PARD3: variants seen among roughly 807,000 people sequenced by gnomAD.
PARD3 encodes the protein par-3 family cell polarity regulator.
PARD3 carries 75 observed loss-of-function variants against 155.4 expected under a neutral mutation model. The observed-to-expected ratio is 0.48, with a 90% CI of 0.40 to 0.58. The LOEUF is 0.58. Among genes scored for constraint, PARD3 ranks in the 20% least tolerant of loss-of-function variants. The pLI is 0.00. For synonymous variants in PARD3, 576 were observed against 610.5 expected (o/e 0.94, Z 0.83); for missense variants, 1,642 against 1,721.7 (o/e 0.95, Z 0.82).
chr10:34,184,706 T>TTG (rs1177641380), intron 22 of PARD3, among the ~76,000 whole-genome samples: 2 of 151,122 alleles, frequency 1.3e-5, no homozygotes, highest in Admixed American at 6.6e-5. Flanking sequence ...CGGTTTTTTT[T>TTG]TTTTTTTTTC....
chr10:34,777,001 T>C, intron 1 of PARD3, among the ~76,000 whole-genome samples: 1 of 142,356 alleles, frequency 7.0e-6, no homozygotes. Flanking sequence ...CATGTCTGGC[T>C]AATTTTTTTT....
At chr10:34,130,715 G>C (rs1947560441) in intron 23 of PARD3, among the ~76,000 whole-genome samples, 1 of 152,128 alleles carries the variant, frequency 6.6e-6, no homozygotes, top group South Asian at 2.1e-4. Flanking sequence ...GGATGAACTG[G>C]AATAAGATGG....
intron 2 of PARD3, among the ~76,000 whole-genome samples, chr10:34,688,535 C>T (rs1021715749): frequency 6.6e-6 from 1 of 152,148 alleles, no homozygotes; most frequent in Non-Finnish European, 1.5e-5. Context: ...TAAGAGTAAA[C>T]ACGACATCAC....
At chr10:34,565,604 T>G (rs1026619308) in intron 2 of PARD3, among the ~76,000 whole-genome samples, 16 of 152,140 alleles carry the variant, frequency 1.1e-4, no homozygotes, top group African/African-American at 3.9e-4. Context: ...AACTTGCTCT[T>G]TAACAACTTT....
At chr10:34,166,654 T>C (rs527774255) in intron 22 of PARD3, among the ~76,000 whole-genome samples, 52 of 150,578 alleles carry the variant, frequency 3.5e-4, no homozygotes, top group Admixed American at 5.9e-4. Context: ...CAGAAAGGAC[T>C]CTACACCCAT....
At chr10:34,245,088 G>A (rs1188515454) in intron 22 of PARD3, among the ~76,000 whole-genome samples, 1 of 152,128 alleles carries the variant, frequency 6.6e-6, no homozygotes, top group Admixed American at 6.5e-5. Flanking sequence ...AAAGTGGAGC[G>A]GATACAGATA....
chr10:34,204,827 T>C (rs1195075046), intron 22 of PARD3, among the ~76,000 whole-genome samples: 4 of 152,238 alleles, frequency 2.6e-5, no homozygotes, highest in African/African-American at 9.6e-5. Flanking sequence ...ATGTGTGACT[T>C]CATAAGTAGA....
intron 12 of PARD3, among the ~76,000 whole-genome samples, chr10:34,372,266 C>T (rs555206365): frequency 1.3e-5 from 2 of 152,176 alleles, no homozygotes; most frequent in South Asian, 4.1e-4. Flanking sequence ...AATAGGAAGT[C>T]TCTCTCTTTT....
chr10:34,779,932 T>C (rs555137495), intron 1 of PARD3, among the ~76,000 whole-genome samples: 1 of 152,326 alleles, frequency 6.6e-6, no homozygotes, highest in South Asian at 2.1e-4. Context: ...GAGTCCCTTC[T>C]AGCTGTAGAT....
chr10:34,307,182 A>G (rs922278572), intron 20 of PARD3, among the ~76,000 whole-genome samples: 1 of 152,192 alleles, frequency 6.6e-6, no homozygotes, highest in African/African-American at 2.4e-5. Context: ...GAGCCACCGC[A>G]CCCGGCTCAA....
In PARD3 at chr10:34,261,825, G is replaced by GAAAGAAACAAACAAAC. The variant is rs1238097146; in HGVS notation, c.3419+7831_3419+7832insGTTTGTTTGTTTCTTT. 6.9e-4 allele frequency among the ~76,000 whole-genome samples: 96 copies of GAAAGAAACAAACAAAC among 138,982 alleles called. No individual in the cohort carries two copies. In the Middle Eastern group the frequency reaches 0.014, roughly 21 times the overall value. The allele number at this position is 138,982 out of a possible 152,430, so 91.2% of individuals were successfully genotyped here. A position where few individuals can be genotyped will look rare whatever the true frequency, so the allele number is the denominator to read the frequency against. On this transcript the variant is annotated intron_variant, in intron 22 of 24. Transcript: ENST00000374788. ...AGAAAGAAAGAAAGAAAGAAAGAAA[G>GAAAGAAACAAACAAAC]AAACAAACAAACAAACAAACACACA...
chr10:34,261,701 G>GA (rs34021096), intron 22 of PARD3, among the ~76,000 whole-genome samples: 2,522 of 62,086 alleles, frequency 0.041, 122 homozygotes, highest in African/African-American at 0.071. Context: ...AGAAAGAAAG[G>GA]AAGAAAGGAA....
chr10:34,400,142 G>C (rs1032181615), intron 6 of PARD3, among the ~76,000 whole-genome samples: 1 of 152,160 alleles, frequency 6.6e-6, no homozygotes, highest in Non-Finnish European at 1.5e-5. Flanking sequence ...AAAATTGCTC[G>C]AAATTAATTT....
chr10:34,217,408 C>T (rs1952053163), intron 22 of PARD3, among the ~76,000 whole-genome samples: 2 of 152,102 alleles, frequency 1.3e-5, no homozygotes, highest in South Asian at 2.1e-4. Context: ...TCCCTTTGTA[C>T]AAGTCTCAAT....
chr10:34,346,356 G>C (rs1325051703), intron 15 of PARD3: 2 of 1,284,008 alleles, frequency 1.6e-6, no homozygotes, highest in African/African-American at 1.5e-5. Context: ...TTAGTTTTTC[G>C]CCTTCCTCTG....
chr10:34,782,160 T>C (rs1028425726), intron 1 of PARD3, among the ~76,000 whole-genome samples: 3 of 152,188 alleles, frequency 2.0e-5, no homozygotes, highest in African/African-American at 7.2e-5. Context: ...GCTAATTTGA[T>C]TGCAAAAGGA....
chr10:34,287,617 A>G (rs978867283), intron 20 of PARD3, among the ~76,000 whole-genome samples: 2 of 152,246 alleles, frequency 1.3e-5, no homozygotes, highest in Non-Finnish European at 2.9e-5. Context: ...TGAGTTAATT[A>G]GCTATGTTAA....
At chr10:34,633,173 A>AG (rs1440720849) in intron 2 of PARD3, among the ~76,000 whole-genome samples, 1 of 152,234 alleles carries the variant, frequency 6.6e-6, no homozygotes, top group African/African-American at 2.4e-5. Flanking sequence ...TTTTATGATG[A>AG]GAACATATGA....
chr10:34,226,323 G>T (rs1952598350), intron 22 of PARD3, among the ~76,000 whole-genome samples: 1 of 152,248 alleles, frequency 6.6e-6, no homozygotes, highest in Non-Finnish European at 1.5e-5. Flanking sequence ...GCTGAGGCGG[G>T]TGGATCACTT....
Sources: gnomAD v4.1 joint callset for allele counts (sites outside exome capture counted in the v4.1 genomes callset) on GRCh38, gnomAD v4.1.1 for gene constraint, MANE v1.5 for transcripts, NCBI Gene and HGNC (gene_info 2026-07-23, HGNC 2026-07-21) for gene names.